The following AXIN2 variants were observed in gnomAD, a reference collection of about 807,000 sequenced individuals.
AXIN2 encodes the protein axin 2.
AXIN2 carries 21 observed loss-of-function variants against 74.7 expected under a neutral mutation model. The observed-to-expected ratio is 0.28, with a 90% CI of 0.20 to 0.40. The LOEUF is 0.40. Ranked by LOEUF, AXIN2 falls within the 10% of genes least tolerant of loss-of-function variation. The probability of loss-of-function intolerance (pLI) is 1.00; values close to 1 mark genes in which losing one functional copy is unlikely to be tolerated. For missense variants in AXIN2, 1,144 were observed against 1,111.1 expected (o/e 1.03, Z -0.42); for synonymous variants, 532 against 454.9 (o/e 1.17, Z -2.16).
Position 65,533,908 on chromosome 17 carries a change from T to A in AXIN2, c.2405+4A>T. 1 of 1,581,976 alleles carries A rather than the reference T, an allele frequency of 6.3e-7. No individual in the cohort carries two copies. The highest frequency in any genetic ancestry group is 8.6e-7 in the Non-Finnish European group (1 of 1,158,750). On this transcript the variant is annotated splice_donor_region_variant and intron_variant, in intron 10 of 10. Coordinates refer to ENST00000307078, the MANE Select transcript of AXIN2 (RefSeq NM_004655.4). ...AGAGCAGAAAAAAGCCACAGGACTC[T>A]TACCTATAATTTCCCTTTTTGCTGA...
At position 65,538,103 on chromosome 17, in the gene AXIN2, C is replaced by G. The variant is rs56248738; in HGVS notation, c.1200+100G>C. On this transcript the variant is annotated intron_variant, in intron 5 of 10. Coordinates refer to ENST00000307078, the MANE Select transcript of AXIN2 (RefSeq NM_004655.4). ...CCCACGCGCATGCGCATGCAACCCA[C>G]GCACATGCGCACACCCTAACGCACC... The G allele has an allele frequency of 2.8e-5, 44 of 1,580,900 alleles. 1 individual carries two copies. The highest frequency in any genetic ancestry group is 4.5e-5 in the South Asian group (4 of 88,882).
chr17:65,536,856 A>T lies in AXIN2; in HGVS notation c.1907+13T>A, dbSNP rs1414550090. 6.2e-7 allele frequency: 1 copy of T among 1,612,774 alleles called. No homozygotes were observed. The highest frequency in any genetic ancestry group is 2.2e-5 in the East Asian group (1 of 44,872). On this transcript the variant is annotated intron_variant, in intron 7 of 10. Transcript: ENST00000307078. ...TGACCCTCGCGGCCGCGGCGGCGGC[A>T]AGCGGTGTTTACCTATGGGGCTTGG...
intron 2 of AXIN2, among the ~76,000 whole-genome samples, chr17:65,554,698 TC>T (rs2044242051): frequency 6.6e-6 from 1 of 152,188 alleles, no homozygotes; most frequent in Non-Finnish European, 1.5e-5. Flanking sequence ...CAGAGGGCCA[TC>T]TGCTGGGCCC....
At chr17:65,557,290 T>C (rs566349798) in intron 2 of AXIN2, among the ~76,000 whole-genome samples, 1 of 152,196 alleles carries the variant, frequency 6.6e-6, no homozygotes, top group Non-Finnish European at 1.5e-5. Flanking sequence ...CAAGCTCAGT[T>C]AAGCCAATTG....
intron 8 of AXIN2, among the ~76,000 whole-genome samples, 188 bp from the exon 9 acceptor site, chr17:65,535,909 C>A (rs1194765203): frequency 2.0e-5 from 3 of 152,192 alleles, no homozygotes; most frequent in African/African-American, 7.2e-5. Flanking sequence ...TTGGAACAGC[C>A]ATTCTAAGCC....
chr17:65,535,713 A>G lies in AXIN2; in HGVS notation c.2150T>C (p.Val717Ala), dbSNP rs767503380. ...VSKPPKQRCC[V>A]ASQQRDRNHS... ...ATTCCTGTCCCTCTGCTGACTGGCC[A>G]CACAGCACCTGAGGACACAGCCAGG... Residue 717 changes from valine to alanine, a missense_variant, in exon 9 of 11, where the codon GTG becomes GCG. Around this residue, in one of 4 missense-constraint regions of AXIN2, gnomAD observed 1,053 missense variants for 973.5 expected, o/e 1.08. Coordinates refer to ENST00000307078, the MANE Select transcript of AXIN2 (RefSeq NM_004655.4). The G allele has an allele frequency of 1.9e-6, 3 of 1,613,986 alleles. No individual in the cohort carries two copies. Among genetic ancestry groups the G allele is most frequent in the Non-Finnish European group, 2.5e-6 (3 of 1,179,978 alleles).
chr17:65,540,257 G>T (rs968993020), intron 4 of AXIN2, among the ~76,000 whole-genome samples: 33 of 152,324 alleles, frequency 2.2e-4, no homozygotes, highest in African/African-American at 7.2e-4. Context: ...TGTCCCAAGG[G>T]GGGGCAGAGG....
chr17:65,558,695 C>CT lies in AXIN2; in HGVS notation c.-76dup. On this transcript the variant is annotated 5_prime_UTR_variant, in exon 2 of 11. Transcript: ENST00000307078. ...CCTCTCAGCAATCGGCGTGGTCTCT[C>CT]TGTCTCTCTCAAGTCAGCAGGGGCT... 6.9e-7 allele frequency: 1 copy of CT among 1,457,222 alleles called. No homozygotes were observed. The highest frequency in any genetic ancestry group is 2.3e-4 in the Middle Eastern group (1 of 4,256). 90.3% of individuals were successfully genotyped at this position (1,457,222 alleles called of 1,614,324 possible).
rs184175808 is a variant in AXIN2 at position 65,548,133 on chromosome 17, A to C, written c.956+1387T>G. Among the ~76,000 whole-genome samples, 700 of 152,362 alleles carry C rather than the reference A, an allele frequency of 4.6e-3. 4 individuals are homozygous for C. Among genetic ancestry groups the C allele is most frequent in the South Asian group, 5.6e-3 (27 of 4,830 alleles). On this transcript the variant is annotated intron_variant, in intron 3 of 10. Coordinates refer to ENST00000307078, the MANE Select transcript of AXIN2 (RefSeq NM_004655.4). ...ACTTCTCATATCTCCATATTGGATG[A>C]AAGATGTGTACTTTCCTGTTTCCAT...
chr17:65,555,949 A>C (rs986229375), intron 2 of AXIN2, among the ~76,000 whole-genome samples: 5 of 151,974 alleles, frequency 3.3e-5, no homozygotes, highest in African/African-American at 4.8e-5. Context: ...TCTCGTATGG[A>C]AACTCTCAGG....
chr17:65,533,948 T>A lies in AXIN2; in HGVS notation c.2369A>T (p.His790Leu). 6.2e-7 allele frequency: 1 copy of A among 1,614,160 alleles called. No homozygotes were observed. The change falls in exon 10 of 11, where the codon CAC becomes CTC. Residue 790 changes from histidine (H) to leucine (L), a missense_variant. His to Leu is a moderately conservative substitution (Grantham distance 99). Around this residue, in one of 4 missense-constraint regions of AXIN2, gnomAD observed 65 missense variants for 95.7 expected, o/e 0.68. Transcript: ENST00000307078. ...MLKAQSLTLGHFKEQLSKKGN... is the reference protein window; with the variant it reads ...MLKAQSLTLGLFKEQLSKKGN... ...CTTTTTGCTGAGCTGCTCTTTAAAGTGGCCCAGGGTCAAGCTCTGAGCCTT... is the reference window on the plus strand; with the variant it reads ...CTTTTTGCTGAGCTGCTCTTTAAAGAGGCCCAGGGTCAAGCTCTGAGCCTT...
chr17:65,539,106 G>A (rs910951892), intron 4 of AXIN2, among the ~76,000 whole-genome samples: 4 of 152,120 alleles, frequency 2.6e-5, no homozygotes, highest in Non-Finnish European at 5.9e-5. Context: ...CACCGAGTAC[G>A]CCTGCCAAAA....
intron 10 of AXIN2, among the ~76,000 whole-genome samples, chr17:65,533,299 C>T (rs2043854637): frequency 6.6e-6 from 1 of 152,226 alleles, no homozygotes. Flanking sequence ...CTGTGCCCAC[C>T]CGCAGGTCCA....
chr17:65,530,443 G>A (rs1440692513), intron 10 of AXIN2, among the ~76,000 whole-genome samples: 2 of 152,230 alleles, frequency 1.3e-5, no homozygotes, highest in Non-Finnish European at 2.9e-5. Context: ...CAGCAGTGGG[G>A]TGGGGGAGGG....
Position 65,558,689 on chromosome 17 carries a change from GTCTC to G in AXIN2, c.-73_-70del, listed in dbSNP as rs924955916. 2 of 1,455,260 alleles carry G rather than the reference GTCTC, an allele frequency of 1.4e-6. No individual in the cohort carries two copies. The highest frequency in any genetic ancestry group is 1.9e-6 in the Non-Finnish European group (2 of 1,070,554). The allele number at this position is 1,455,260 out of a possible 1,614,324, so 90.1% of individuals were successfully genotyped here. ...CCAGTTCCTCTCAGCAATCGGCGTGGTCTCTCTGTCTCTCTCAAGTCAGCAGGGG... is the reference window on the plus strand; with the variant it reads ...CCAGTTCCTCTCAGCAATCGGCGTGGTCTGTCTCTCTCAAGTCAGCAGGGG... On this transcript the variant is annotated 5_prime_UTR_variant, in exon 2 of 11. Coordinates refer to ENST00000307078, the MANE Select transcript of AXIN2 (RefSeq NM_004655.4).
At chr17:65,560,680 C>T (rs2044354252) in intron 1 of AXIN2, 1 of 151,858 alleles carries the variant, frequency 6.6e-6, no homozygotes, top group Admixed American at 6.6e-5. Context: ...CGGCCAAGCC[C>T]CCCGGAACGC....
At chr17:65,561,346 C>T (rs1305956619) in intron 1 of AXIN2, 104 bp downstream of exon 1, 1 of 145,270 alleles carries the variant, frequency 6.9e-6, no homozygotes, top group Non-Finnish European at 1.5e-5. Flanking sequence ...GCCGGGCCCC[C>T]TCCCGCCCCC....
chr17:65,535,339 T>C (rs1346445602), intron 9 of AXIN2, among the ~76,000 whole-genome samples: 1 of 152,162 alleles, frequency 6.6e-6, no homozygotes, highest in Admixed American at 6.5e-5. Context: ...GCAAGTTGAA[T>C]GGGGGCAACT....
At chr17:65,557,506 CCTCT>C (rs150521485) in intron 2 of AXIN2, among the ~76,000 whole-genome samples, 5 of 150,732 alleles carry the variant, frequency 3.3e-5, no homozygotes, top group African/African-American at 4.9e-5. Context: ...AAGCTGCTGT[CCTCT>C]CTCTCTCTCT....
Sources: gnomAD v4.1 joint callset for allele counts (sites outside exome capture counted in the v4.1 genomes callset) on GRCh38, gnomAD v4.1.1 for gene constraint, gnomAD v4.1.1 regional missense constraint, MANE v1.5 for transcripts, NCBI Gene and HGNC (gene_info 2026-07-23, HGNC 2026-07-21) for gene names.